The following NOS1 variants were observed in gnomAD, a reference collection of about 807,000 sequenced individuals.
NOS1 encodes the protein nitric oxide synthase 1.
Under a neutral mutation model 164.5 loss-of-function variants are expected in NOS1, and 51 were observed. The ratio of observed to expected loss-of-function variants is 0.31; its 90% confidence interval spans 0.25 to 0.39. The LOEUF (loss-of-function observed/expected upper bound fraction) is 0.39. NOS1 is among the 10% of genes least tolerant of loss of function. The pLI is 1.00. For missense variants in NOS1, 1,362 were observed against 1,885.6 expected (o/e 0.72, Z 5.14); for synonymous variants, 719 against 745.8 (o/e 0.96, Z 0.59).
At position 117,212,659 on chromosome 12, in the gene NOS1, A is replaced by C; in HGVS notation, c.*2650T>G. On this transcript the variant is annotated 3_prime_UTR_variant, in exon 29 of 29. Transcript: ENST00000317775. ...GGAAGAGGGAAATAAATGGGCCATA[A>C]CCCGAATAACCCCCAAATATCTTGT... 1.0e-6 allele frequency: 1 copy of C among 985,412 alleles called. No homozygotes were observed. Among genetic ancestry groups the C allele is most frequent in the Middle Eastern group, 5.2e-4 (1 of 1,914 alleles). 61.0% of individuals were successfully genotyped at this position (985,412 alleles called of 1,614,324 possible). A position where few individuals can be genotyped will look rare whatever the true frequency, so the allele number is the denominator to read the frequency against.
intron 1 of NOS1, among the ~76,000 whole-genome samples, chr12:117,341,540 T>A (rs1445977709): frequency 6.6e-6 from 1 of 152,190 alleles, no homozygotes; most frequent in Non-Finnish European, 1.5e-5. Context: ...AATATATCCA[T>A]CCATCATATG....
intron 4 of NOS1, 91 bp from the exon 5 acceptor site, chr12:117,288,310 A>T: frequency 8.0e-7 from 1 of 1,255,484 alleles, no homozygotes; most frequent in Non-Finnish European, 1.1e-6. Context: ...CTCATGGTTG[A>T]GTTTATCTGG....
chr12:117,336,348 C>T (rs1434026566), intron 1 of NOS1, among the ~76,000 whole-genome samples: 4 of 152,172 alleles, frequency 2.6e-5, no homozygotes, highest in Non-Finnish European at 4.4e-5. Flanking sequence ...CTTCCTCATG[C>T]AGAAACGAGA....
At position 117,210,736 on chromosome 12, in the gene NOS1, C is replaced by T. The variant is rs775811817; in HGVS notation, c.*4573G>A. ...GTCCAGAGCAGGCAGCTGCTGAAAG[C>T]GTGTTTGGTCAGAAGATTCTGTGTT... On this transcript the variant is annotated 3_prime_UTR_variant, in exon 29 of 29. Transcript: ENST00000317775. 4.3e-5 allele frequency: 42 copies of T among 985,214 alleles called. No homozygotes were observed. The highest frequency in any genetic ancestry group is 4.9e-5 in the Non-Finnish European group (41 of 829,948). 61.0% of individuals were successfully genotyped at this position (985,214 alleles called of 1,614,324 possible).
intron 11 of NOS1, among the ~76,000 whole-genome samples, chr12:117,266,665 G>C (rs1276766864): frequency 2.0e-5 from 3 of 151,782 alleles, no homozygotes; most frequent in Non-Finnish European, 4.4e-5. Flanking sequence ...AGCCTCCTGA[G>C]TAGCTGGGAT....
chr12:117,246,931 G>A (rs1452246588), intron 18 of NOS1, among the ~76,000 whole-genome samples: 1 of 152,120 alleles, frequency 6.6e-6, no homozygotes, highest in Non-Finnish European at 1.5e-5. Flanking sequence ...GTGGCTAGTG[G>A]CTACCATATT....
At chr12:117,261,805 G>T (rs564437420) in intron 13 of NOS1, among the ~76,000 whole-genome samples, 1 of 152,264 alleles carries the variant, frequency 6.6e-6, no homozygotes, top group Admixed American at 6.5e-5. Context: ...AGAAATAAAA[G>T]AAGTTATGAA....
At chr12:117,241,137 A>G (rs1024908880) in intron 20 of NOS1, among the ~76,000 whole-genome samples, 11 of 151,750 alleles carry the variant, frequency 7.2e-5, no homozygotes, top group Non-Finnish European at 1.5e-4. Flanking sequence ...ACGGGGTTTC[A>G]CCACGTTGGT....
intron 4 of NOS1, among the ~76,000 whole-genome samples, chr12:117,289,951 C>T (rs9658330): frequency 8.8e-4 from 134 of 152,098 alleles, no homozygotes; most frequent in African/African-American, 3.0e-3. Context: ...GACTTTCCCC[C>T]CTCCCTGTGT....
At chr12:117,332,042 T>C (rs906451556) in intron 1 of NOS1, among the ~76,000 whole-genome samples, 2 of 152,182 alleles carry the variant, frequency 1.3e-5, no homozygotes, top group South Asian at 2.1e-4. Context: ...GCTTGTTCCA[T>C]GTTCAAAAGG....
intron 25 of NOS1, among the ~76,000 whole-genome samples, chr12:117,223,384 C>T (rs1199381570): frequency 1.3e-5 from 2 of 151,406 alleles, no homozygotes; most frequent in Admixed American, 6.6e-5. Flanking sequence ...GCCTTAGCCT[C>T]CCAAGTAGCT....
intron 1 of NOS1, among the ~76,000 whole-genome samples, chr12:117,342,701 A>G (rs1876170646): frequency 6.6e-6 from 1 of 152,136 alleles, no homozygotes; most frequent in Admixed American, 6.5e-5. Context: ...GACAAGAAGT[A>G]CAGTGGTCAG....
chr12:117,208,361 A>G lies in NOS1; in HGVS notation c.*6948T>C, dbSNP rs1016447314. 7 of 1,279,992 alleles carry G rather than the reference A, an allele frequency of 5.5e-6. No homozygotes were observed. Among genetic ancestry groups the G allele is most frequent in the Non-Finnish European group, 7.1e-6 (7 of 986,518 alleles). 79.3% of individuals were successfully genotyped at this position (1,279,992 alleles called of 1,614,324 possible). A position where few individuals can be genotyped will look rare whatever the true frequency, so the allele number is the denominator to read the frequency against. On this transcript the variant is annotated 3_prime_UTR_variant, in exon 29 of 29. Coordinates refer to ENST00000317775, the MANE Select transcript of NOS1 (RefSeq NM_000620.5). ...GAGATTAGCAGCATTGAGAGCTCAG[A>G]GGTAGGGGGGACGGCCGAGTTTCTG...
At chr12:117,302,894 C>T (rs1380340150) in intron 3 of NOS1, among the ~76,000 whole-genome samples, 2 of 152,164 alleles carry the variant, frequency 1.3e-5, no homozygotes, top group Non-Finnish European at 2.9e-5. Context: ...TACAGGCACA[C>T]GCCACCAAGC....
At chr12:117,351,786 C>T (rs1224481193) in intron 1 of NOS1, among the ~76,000 whole-genome samples, 2 of 152,172 alleles carry the variant, frequency 1.3e-5, no homozygotes, top group Admixed American at 6.5e-5. Flanking sequence ...AAATAACTTG[C>T]CAAGGTTACA....
Position 117,268,150 on chromosome 12 carries a change from A to G in NOS1, c.1840-6T>C, listed in dbSNP as rs1161583064. ...TTCATCTTCTTGGCCACTTCCTGAAAGAGGAAGGAAACACAGATATACAGG... is the reference window on the plus strand; with the variant it reads ...TTCATCTTCTTGGCCACTTCCTGAAGGAGGAAGGAAACACAGATATACAGG... On this transcript the variant is annotated splice_polypyrimidine_tract_variant and splice_region_variant and intron_variant, in intron 10 of 28. Coordinates refer to ENST00000317775, the MANE Select transcript of NOS1 (RefSeq NM_000620.5). 6.3e-7 allele frequency: 1 copy of G among 1,598,494 alleles called. No individual in the cohort carries two copies.
rs1199977642 is a variant in NOS1 at position 117,208,720 on chromosome 12, T to C, written c.*6589A>G. 8.0e-6 allele frequency: 8 copies of C among 994,226 alleles called. No homozygotes were observed. Among genetic ancestry groups the C allele is most frequent in the Non-Finnish European group, 9.4e-6 (8 of 847,560 alleles). The allele number at this position is 994,226 out of a possible 1,614,324, so 61.6% of individuals were successfully genotyped here. On this transcript the variant is annotated 3_prime_UTR_variant, in exon 29 of 29. Coordinates refer to ENST00000317775, the MANE Select transcript of NOS1 (RefSeq NM_000620.5). Reference sequence around the variant, plus strand: ...CAGACTGCCATCCTCTGTTCTGGCATGGGAGGGCTTTTTTTTTTTTTTCCA... The same window carrying C: ...CAGACTGCCATCCTCTGTTCTGGCACGGGAGGGCTTTTTTTTTTTTTTCCA...
intron 22 of NOS1, 83 bp from the exon 23 acceptor site, chr12:117,227,724 A>G: frequency 7.4e-7 from 1 of 1,360,224 alleles, no homozygotes; most frequent in Non-Finnish European, 1.0e-6. Flanking sequence ...TCCAGGAAGA[A>G]GGCAAAATAA....
At chr12:117,318,610 G>T (rs1874771009) in intron 2 of NOS1, among the ~76,000 whole-genome samples, 1 of 152,200 alleles carries the variant, frequency 6.6e-6, no homozygotes, top group Non-Finnish European at 1.5e-5. Flanking sequence ...CCGACCTCTT[G>T]CACGGAAGGA....
Sources: gnomAD v4.1 joint callset for allele counts (sites outside exome capture counted in the v4.1 genomes callset) on GRCh38, gnomAD v4.1.1 for gene constraint, MANE v1.5 for transcripts, NCBI Gene and HGNC (gene_info 2026-07-23, HGNC 2026-07-21) for gene names.